RBM27: variants seen among roughly 807,000 people sequenced by gnomAD.
RBM27 encodes RNA binding motif protein 27.
Under a neutral mutation model 135.3 loss-of-function variants are expected in RBM27, and 22 were observed. The observed-to-expected ratio is 0.16, with a 90% confidence interval of 0.12 to 0.23. The LOEUF (loss-of-function observed/expected upper bound fraction) is 0.23. RBM27 is among the 10% of genes least tolerant of loss of function. The pLI, the probability that RBM27 is intolerant of heterozygous loss-of-function variation, is 1.00. For synonymous variants in RBM27, 481 were observed against 442.4 expected (o/e 1.09, Z -1.10); for missense variants, 1,009 against 1,281.0 (o/e 0.79, Z 3.24).
At chr5:146,204,001 C>T (rs1348579285) in intron 1 of RBM27, among the ~76,000 whole-genome samples, 177 bp downstream of exon 1, 4 of 149,126 alleles carry the variant, frequency 2.7e-5, no homozygotes, top group Admixed American at 2.0e-4. Flanking sequence ...GGGAGAGGAG[C>T]GCTGGGGACG....
At chr5:146,212,937 T>C (rs1756029427) in intron 1 of RBM27, among the ~76,000 whole-genome samples, 2 of 152,194 alleles carry the variant, frequency 1.3e-5, no homozygotes, top group South Asian at 4.1e-4. Flanking sequence ...AGAGAATGGT[T>C]ACCTTGGCAC....
intron 6 of RBM27, among the ~76,000 whole-genome samples, chr5:146,231,121 A>G (rs974482208): frequency 6.6e-6 from 1 of 152,086 alleles, no homozygotes; most frequent in South Asian, 2.1e-4. Flanking sequence ...TCCCGGGTTC[A>G]AGCGATTCTC....
In RBM27 at chr5:146,270,562, A is replaced by C. The variant is rs777273577; in HGVS notation, c.2692-392A>C. ...CTCTAACAAAAAAGAGAATGTCAAC[A>C]GTTGTGGATTCCAATCTGGTAGTAA... On this transcript the variant is annotated intron_variant, in intron 17 of 20. Coordinates refer to ENST00000265271, the MANE Select transcript of RBM27 (RefSeq NM_018989.2). Among the ~76,000 whole-genome samples the C allele has an allele frequency of 2.5e-4, 38 of 152,318 alleles. 1 individual carries two copies. The highest frequency in any genetic ancestry group is 3.4e-3 in the Middle Eastern group (1 of 294).
intron 8 of RBM27, among the ~76,000 whole-genome samples, chr5:146,241,352 G>A (rs1000896249): frequency 1.3e-5 from 2 of 152,110 alleles, no homozygotes; most frequent in South Asian, 2.1e-4. Flanking sequence ...GCCAGGCATC[G>A]TGCCAGACAC....
At chr5:146,226,912 A>C (rs942418808) in intron 3 of RBM27, among the ~76,000 whole-genome samples, 1 of 152,194 alleles carries the variant, frequency 6.6e-6, no homozygotes, top group African/African-American at 2.4e-5. Context: ...GTAGTGCATA[A>C]ACATAATTGT....
chr5:146,206,512 C>T (rs1755670848), intron 1 of RBM27, among the ~76,000 whole-genome samples: 1 of 148,946 alleles, frequency 6.7e-6, no homozygotes, highest in African/African-American at 2.5e-5. Context: ...TTAAAGTTCA[C>T]ATGCTTATTT....
chr5:146,227,183 A>G (rs554038198), intron 3 of RBM27, among the ~76,000 whole-genome samples: 89 of 152,362 alleles, frequency 5.8e-4, no homozygotes, highest in South Asian at 1.2e-3. Flanking sequence ...CTGGAAAAAC[A>G]ACTTGGTAGA....
intron 6 of RBM27, 88 bp downstream of exon 6, chr5:146,231,005 C>G: frequency 7.3e-7 from 1 of 1,367,688 alleles, no homozygotes; most frequent in South Asian, 1.4e-5. Flanking sequence ...AGTTATAGTC[C>G]AGTTTATTTT....
chr5:146,208,751 A>G (rs1344028895), intron 1 of RBM27, among the ~76,000 whole-genome samples: 1 of 152,226 alleles, frequency 6.6e-6, no homozygotes, highest in Non-Finnish European at 1.5e-5. Context: ...CACTAAAGAA[A>G]TTTCTGCAAG....
At chr5:146,230,524 A>G in intron 5 of RBM27, 133 bp from the exon 6 acceptor site, 1 of 874,172 alleles carries the variant, frequency 1.1e-6, no homozygotes, top group East Asian at 2.6e-5. Flanking sequence ...TAAAGAGAGG[A>G]GTATGAAATA....
intron 6 of RBM27, among the ~76,000 whole-genome samples, chr5:146,233,071 G>A (rs1390575839): frequency 6.6e-6 from 1 of 152,184 alleles, no homozygotes; most frequent in East Asian, 1.9e-4. Flanking sequence ...AATAGATTGA[G>A]AGTAAATAAT....
At chr5:146,259,979 CAAAAAAAAAAA>C (rs34781548) in intron 11 of RBM27, among the ~76,000 whole-genome samples, 80 of 35,290 alleles carry the variant, frequency 2.3e-3, no homozygotes, top group South Asian at 8.5e-3. Flanking sequence ...GACTCCGTCT[CAAAAAAAAAAA>C]AAAAAAAAAA....
rs1343653879 is a variant in RBM27, at chr5:146,279,395, C to T, written c.2989-5227C>T. On this transcript the variant is annotated intron_variant, in intron 19 of 20. Coordinates refer to ENST00000265271, the MANE Select transcript of RBM27 (RefSeq NM_018989.2). The stretch of plus-strand genomic sequence containing the variant: ...ACCTGGGAGGCGGGTTACAGTGAGC[C>T]GAGATCGCGCCACTGCACTCCAGCC... 3.3e-5 allele frequency among the ~76,000 whole-genome samples: 5 copies of T among 150,852 alleles called. No individual in the cohort carries two copies. The East Asian group carries it at 7.8e-4, about 24-fold the overall frequency.
chr5:146,256,453 G>C (rs1427975596), intron 10 of RBM27, among the ~76,000 whole-genome samples: 1 of 151,182 alleles, frequency 6.6e-6, no homozygotes, highest in Non-Finnish European at 1.5e-5. Context: ...GGGTTCAAGC[G>C]ATTCTCCCAC....
At chr5:146,241,305 A>C (rs2126788609) in intron 8 of RBM27, among the ~76,000 whole-genome samples, 2 of 152,332 alleles carry the variant, frequency 1.3e-5, no homozygotes, top group Middle Eastern at 6.8e-3. Context: ...TAATAAATAA[A>C]TTAATTTGGC....
In RBM27 at chr5:146,285,975, C is replaced by T. The variant is rs1355667003; in HGVS notation, c.3128C>T (p.Pro1043Leu). The change falls in exon 21 of 21, where the codon CCT becomes CTT. Residue 1043 changes from proline to leucine, a missense_variant. Coordinates refer to ENST00000265271, the MANE Select transcript of RBM27 (RefSeq NM_018989.2). Reference protein sequence around the residue: ...EETETSDLFLPDDDDEDEDEY... With the variant: ...EETETSDLFLLDDDDEDEDEY... ...ACAGAAACCTCAGATTTGTTTTTGC[C>T]TGATGATGACGATGAAGATGAAGAT... 1 of 1,612,348 alleles carries T rather than the reference C, an allele frequency of 6.2e-7. No individual in the cohort carries two copies. The highest frequency in any genetic ancestry group is 2.2e-5 in the East Asian group (1 of 44,748).
chr5:146,210,933 C>T lies in RBM27; in HGVS notation c.59+7109C>T, dbSNP rs532047497. On this transcript the variant is annotated intron_variant, in intron 1 of 20. Transcript: ENST00000265271. ...CCGCACTCCAGCCTGGGCGGCAGAG[C>T]GAGACTCCGTCTCAAAAAAAAAAAA... Among the ~76,000 whole-genome samples, 953 of 143,920 alleles carry T rather than the reference C, an allele frequency of 6.6e-3. 3 individuals are homozygous for T. The highest frequency in any genetic ancestry group is 0.022 in the Middle Eastern group (5 of 226). The allele number at this position is 143,920 out of a possible 152,430, so 94.4% of individuals were successfully genotyped here.
Position 146,271,396 on chromosome 5 carries a change from A to G in RBM27, c.2797-87A>G, listed in dbSNP as rs185901283. ...GCCTAGGCAACGAGAGTGAAATTCC[A>G]TCTCAAAAAAAAAAAAAAAGTTTTC... On this transcript the variant is annotated intron_variant, in intron 18 of 20. Coordinates refer to ENST00000265271, the MANE Select transcript of RBM27 (RefSeq NM_018989.2). 348 of 1,235,960 alleles carry G rather than the reference A, an allele frequency of 2.8e-4. 5 individuals are homozygous for G. The East Asian group carries it at 7.4e-3, about 26-fold the overall frequency. 76.6% of individuals were successfully genotyped at this position (1,235,960 alleles called of 1,614,324 possible). A position where few individuals can be genotyped will look rare whatever the true frequency, so the allele number is the denominator to read the frequency against.
At chr5:146,279,501 T>C (rs1202750867) in intron 19 of RBM27, among the ~76,000 whole-genome samples, 1 of 148,834 alleles carries the variant, frequency 6.7e-6, no homozygotes, top group East Asian at 2.0e-4. Flanking sequence ...ATATAATGTA[T>C]GCAAATGGTT....
Sources: allele counts gnomAD v4.1 joint callset (sites outside exome capture counted in the v4.1 genomes callset), GRCh38; gene constraint gnomAD v4.1.1; transcripts MANE v1.5; gene names NCBI Gene and HGNC (gene_info 2026-07-23, HGNC 2026-07-21).